The following RFLNA variants were observed in gnomAD, a reference collection of about 807,000 sequenced individuals.
RFLNA encodes the protein refilin-A.
RFLNA carries 5 observed loss-of-function variants against 7.8 expected under a neutral mutation model. That is an observed-to-expected ratio of 0.64 (90% CI 0.34 to 1.35). The LOEUF (loss-of-function observed/expected upper bound fraction) is 1.35. Ranked by LOEUF, RFLNA falls within the 40% of genes most tolerant of loss-of-function variation. The pLI is 0.04. For missense variants in RFLNA, 278 were observed against 305.5 expected (o/e 0.91, Z 0.67); for synonymous variants, 141 against 131.3 (o/e 1.07, Z -0.50).
intron 1 of RFLNA, among the ~76,000 whole-genome samples, chr12:124,305,913 G>A (rs2034129075): frequency 1.3e-5 from 2 of 152,196 alleles, no homozygotes; most frequent in Admixed American, 6.5e-5. Context: ...GGGAGAGATG[G>A]GGCCACCTCG....
At chr12:124,300,842 G>A (rs907007254) in intron 1 of RFLNA, among the ~76,000 whole-genome samples, 1 of 151,046 alleles carries the variant, frequency 6.6e-6, no homozygotes, top group East Asian at 2.0e-4. Context: ...ATGGATGGAT[G>A]GACAGAAGAA....
chr12:124,315,233 AT>A lies in RFLNA; in HGVS notation c.*711del, dbSNP rs1346157350. 1 of 156,248 alleles carries A rather than the reference AT, an allele frequency of 6.4e-6. No homozygotes were observed. Among genetic ancestry groups the A allele is most frequent in the African/African-American group, 2.4e-5 (1 of 41,470 alleles). The allele number at this position is 156,248 out of a possible 1,614,324, so 9.7% of individuals were successfully genotyped here. ...TGTCCCGTGCCCTCCAGTGTCAAAG[AT>A]TTGGGGCACTGCCCGTCGAAATGGA... On this transcript the variant is annotated 3_prime_UTR_variant, in exon 3 of 3. Coordinates refer to ENST00000546355, the MANE Select transcript of RFLNA (RefSeq NM_001365156.1).
chr12:124,292,157 G>A (rs1294550350), upstream of RFLNA, among the ~76,000 whole-genome samples: 1 of 152,126 alleles, frequency 6.6e-6, no homozygotes, highest in African/African-American at 2.4e-5. Context: ...GAAGCGATTT[G>A]GATCAGATCA....
chr12:124,292,305 C>A (rs2033836170), upstream of RFLNA, among the ~76,000 whole-genome samples: 2 of 152,206 alleles, frequency 1.3e-5, no homozygotes, highest in South Asian at 4.1e-4. Context: ...GGGCCTGGAG[C>A]AGACACCCCG....
rs2034102781 is a variant in RFLNA at position 124,304,421 on chromosome 12, C to T, written c.208-7397C>T. Among the ~76,000 whole-genome samples the T allele has an allele frequency of 5.3e-5, 8 of 152,314 alleles. No individual in the cohort carries two copies. The South Asian group carries it at 1.7e-3, about 32-fold the overall frequency. On this transcript the variant is annotated intron_variant, in intron 1 of 2. Coordinates refer to ENST00000546355, the MANE Select transcript of RFLNA (RefSeq NM_001365156.1). ...AGCGGGACCCTTTGGCAAATGGTGC[C>T]CGGAGCTCTGGCTTCCCGGGCCAGC... is the stretch of plus-strand genomic sequence containing the variant.
At position 124,314,209 on chromosome 12, in the gene RFLNA, A is replaced by G. The variant is rs150677447; in HGVS notation, c.335A>G (p.Lys112Arg). 43 of 1,612,254 alleles carry G rather than the reference A, an allele frequency of 2.7e-5. 1 individual carries two copies. The highest frequency in any genetic ancestry group is 3.1e-5 in the Non-Finnish European group (37 of 1,179,132). Residue 112 changes from lysine to arginine, a missense_variant, in exon 3 of 3, where the codon AAG (lysine) becomes AGG (arginine). Physicochemically the swap from Lys to Arg is conservative, Grantham distance 26. Transcript: ENST00000546355. Reference protein sequence around the residue: ...THEIRCNSEVKYASEKHFQDK... With the variant: ...THEIRCNSEVRYASEKHFQDK... ...CTTTCCAGCTGCAACTCTGAGGTCAAGTACGCCTCGGAGAAGCATTTCCAG... is the reference window on the plus strand; with the variant it reads ...CTTTCCAGCTGCAACTCTGAGGTCAGGTACGCCTCGGAGAAGCATTTCCAG...
chr12:124,291,008 C>T (rs1427430939), upstream of RFLNA, among the ~76,000 whole-genome samples: 1 of 152,128 alleles, frequency 6.6e-6, no homozygotes. Flanking sequence ...CTCAGATGGC[C>T]TTGTTTCAGG....
At chr12:124,292,845 A>T (rs573939050), upstream of RFLNA, among the ~76,000 whole-genome samples, 34 of 152,364 alleles carry the variant, frequency 2.2e-4, no homozygotes, top group African/African-American at 8.2e-4. Flanking sequence ...CCAAACACAG[A>T]AATCACCACA....
At chr12:124,300,441 C>T (rs1026506674) in intron 1 of RFLNA, among the ~76,000 whole-genome samples, 1 of 152,230 alleles carries the variant, frequency 6.6e-6, no homozygotes, top group African/African-American at 2.4e-5. Context: ...TCCCTTTGGA[C>T]CTTGGCTGGG....
intron 1 of RFLNA, among the ~76,000 whole-genome samples, chr12:124,298,336 A>C (rs539769343): frequency 6.6e-6 from 1 of 151,650 alleles, no homozygotes; most frequent in African/African-American, 2.4e-5. Context: ...TGCCTCCTGG[A>C]CGCCCCCCAC....
chr12:124,293,704 T>A (rs1003053227), upstream of RFLNA, among the ~76,000 whole-genome samples: 1 of 152,164 alleles, frequency 6.6e-6, no homozygotes, highest in Non-Finnish European at 1.5e-5. Context: ...GGGCTGTAAA[T>A]TCACCTGGTG....
At chr12:124,298,065 G>A (rs2033963184) in intron 1 of RFLNA, among the ~76,000 whole-genome samples, 2 of 152,176 alleles carry the variant, frequency 1.3e-5, no homozygotes, top group South Asian at 2.1e-4. Flanking sequence ...GTTTCCATGT[G>A]GGCCTCAGGT....
intron 1 of RFLNA, among the ~76,000 whole-genome samples, chr12:124,296,719 G>A (rs893687226): frequency 1.3e-5 from 2 of 152,168 alleles, no homozygotes; most frequent in African/African-American, 2.4e-5. Flanking sequence ...TCTTAGCCTG[G>A]TGGGTCCCAA....
At chr12:124,300,687 AATAG>A (rs199859522) in intron 1 of RFLNA, among the ~76,000 whole-genome samples, 3,744 of 132,490 alleles carry the variant, frequency 0.028, 65 homozygotes, top group Middle Eastern at 0.057. Flanking sequence ...TCGATGGGCA[AATAG>A]ATAGAAGGAT....
chr12:124,300,818 AGAAGAATGGGTGGATG>A, intron 1 of RFLNA, among the ~76,000 whole-genome samples: 1 of 124,894 alleles, frequency 8.0e-6, no homozygotes, highest in East Asian at 2.7e-4. Flanking sequence ...ATGGATGGAC[AGAAGAATGGGTGGATG>A]GATGGATGGA....
upstream of RFLNA, among the ~76,000 whole-genome samples, chr12:124,292,526 A>C (rs947150041): frequency 6.6e-6 from 1 of 152,168 alleles, no homozygotes; most frequent in Admixed American, 6.5e-5. Flanking sequence ...CCGGCTTTCA[A>C]TTGAGGGGCG....
chr12:124,296,110 T>C (rs575109789), intron 1 of RFLNA, among the ~76,000 whole-genome samples: 1 of 3,718 alleles, frequency 2.7e-4, no homozygotes, highest in Non-Finnish European at 0.038. Flanking sequence ...CTTTCTTTCT[T>C]TCTTTCTTTC....
Position 124,295,332 on chromosome 12 carries a change from C to A in RFLNA, c.-98C>A. 1 of 617,406 alleles carries A rather than the reference C, an allele frequency of 1.6e-6. No individual in the cohort carries two copies. The highest frequency in any genetic ancestry group is 2.3e-6 in the Non-Finnish European group (1 of 442,792). The allele number at this position is 617,406 out of a possible 1,614,324, so 38.2% of individuals were successfully genotyped here. ...CTCGCGGTGCCCGCAGGTCCCCGGG[C>A]GCGCAGCTCTCGCCCCGCCGCCGCC... is the stretch of plus-strand genomic sequence containing the variant. On this transcript the variant is annotated 5_prime_UTR_variant, in exon 1 of 3. Coordinates refer to ENST00000546355, the MANE Select transcript of RFLNA (RefSeq NM_001365156.1).
Position 124,295,367 on chromosome 12 carries a change from C to A in RFLNA, c.-63C>A. On this transcript the variant is annotated 5_prime_UTR_variant, in exon 1 of 3. Coordinates refer to ENST00000546355, the MANE Select transcript of RFLNA (RefSeq NM_001365156.1). ...TCGCCCCGCCGCCGCCTGCCCCGGGCCCCGGAGCGCGGTGGAGAAGCCCCC... is the reference window on the plus strand; with the variant it reads ...TCGCCCCGCCGCCGCCTGCCCCGGGACCCGGAGCGCGGTGGAGAAGCCCCC... 1 of 1,027,328 alleles carries A rather than the reference C, an allele frequency of 9.7e-7. No individual in the cohort carries two copies. Among genetic ancestry groups the A allele is most frequent in the Non-Finnish European group, 1.2e-6 (1 of 805,484 alleles). The allele number at this position is 1,027,328 out of a possible 1,614,324, so 63.6% of individuals were successfully genotyped here. A position where few individuals can be genotyped will look rare whatever the true frequency, so the allele number is the denominator to read the frequency against.
Sources: allele counts gnomAD v4.1 joint callset (sites outside exome capture counted in the v4.1 genomes callset), GRCh38; gene constraint gnomAD v4.1.1; transcripts MANE v1.5; gene names NCBI Gene and HGNC (gene_info 2026-07-23, HGNC 2026-07-21).